PDE1A: variants seen among roughly 807,000 people sequenced by gnomAD.
PDE1A encodes phosphodiesterase 1A, also known as dual specificity calcium/calmodulin-dependent 3',5'-cyclic nucleotide phosphodiesterase 1A.
A neutral mutation model predicts 61.7 loss-of-function variants in PDE1A; 35 were observed. The observed-to-expected ratio is 0.57, with a 90% CI of 0.43 to 0.75. The LOEUF (loss-of-function observed/expected upper bound fraction) is 0.75. Among genes scored for constraint, PDE1A ranks in the 30% least tolerant of loss-of-function variants. PDE1A has a pLI of 0.00. For synonymous variants in PDE1A, 232 were observed against 213.2 expected (o/e 1.09, Z -0.77); for missense variants, 597 against 630.6 (o/e 0.95, Z 0.57).
chr2:182,233,577 A>G (rs1260999552), intron 4 of PDE1A, among the ~76,000 whole-genome samples: 1 of 152,246 alleles, frequency 6.6e-6, no homozygotes, highest in Admixed American at 6.5e-5. Flanking sequence ...AAAAAGGAGT[A>G]CAATAAGTCA....
At chr2:182,315,148 TTAA>T (rs1696254182) in intron 1 of PDE1A, among the ~76,000 whole-genome samples, 1 of 152,184 alleles carries the variant, frequency 6.6e-6, no homozygotes, top group Non-Finnish European at 1.5e-5. Flanking sequence ...TGTAAAACTA[TTAA>T]TATGCCTTCA....
chr2:182,310,678 AT>A (rs1695905866), intron 1 of PDE1A, among the ~76,000 whole-genome samples: 1 of 152,060 alleles, frequency 6.6e-6, no homozygotes, highest in Non-Finnish European at 1.5e-5. Flanking sequence ...TCTCTTACAA[AT>A]TTTACCAGCT....
At chr2:182,683,828 T>G in the PDE1A span, among the ~76,000 whole-genome samples, 1 of 151,962 alleles carries the variant, frequency 6.6e-6, no homozygotes, top group Admixed American at 6.6e-5. Flanking sequence ...CTGATAGAAA[T>G]GCAAAATGGG....
chr2:182,714,062 C>A, the PDE1A span, among the ~76,000 whole-genome samples: 1 of 152,198 alleles, frequency 6.6e-6, no homozygotes, highest in South Asian at 2.1e-4. Context: ...TTGCCCATCT[C>A]TGATCATCTC....
At chr2:182,238,746 C>G (rs1355080679) in intron 3 of PDE1A, among the ~76,000 whole-genome samples, 1 of 152,100 alleles carries the variant, frequency 6.6e-6, no homozygotes, top group Non-Finnish European at 1.5e-5. Context: ...ACCTGAAGAA[C>G]AATTTTATAC....
At chr2:182,524,061 G>A (rs1239177646), upstream of PDE1A, among the ~76,000 whole-genome samples, 1 of 152,054 alleles carries the variant, frequency 6.6e-6, no homozygotes, top group African/African-American at 2.4e-5. Flanking sequence ...ACAGCTTTGT[G>A]AAATTAAAAC....
chr2:182,503,248 C>A (rs1187896118), intron 2 of PDE1A, among the ~76,000 whole-genome samples: 1 of 152,164 alleles, frequency 6.6e-6, no homozygotes, highest in Non-Finnish European at 1.5e-5. Context: ...GGACAAAGGT[C>A]AGAGCCTTGT....
the PDE1A span, among the ~76,000 whole-genome samples, chr2:182,533,720 G>A: frequency 6.6e-6 from 1 of 152,072 alleles, no homozygotes; most frequent in Non-Finnish European, 1.5e-5. Flanking sequence ...TAAAAATTAG[G>A]AGGAGAGGAC....
downstream of PDE1A, among the ~76,000 whole-genome samples, chr2:182,164,116 T>C (rs368868784): frequency 1.7e-4 from 26 of 152,256 alleles, no homozygotes; most frequent in African/African-American, 6.0e-4. Context: ...ATTTGGCCCA[T>C]TAAGCCATAA....
chr2:182,516,745 AAGAG>A (rs1206775723), intron 2 of PDE1A, among the ~76,000 whole-genome samples: 1 of 73,826 alleles, frequency 1.4e-5, no homozygotes, highest in Non-Finnish European at 3.2e-5. Flanking sequence ...AGGAAGGAAA[AAGAG>A]AGAAAGAAAG....
At chr2:182,393,037 C>T (rs1366212962) in intron 1 of PDE1A, among the ~76,000 whole-genome samples, 1 of 152,240 alleles carries the variant, frequency 6.6e-6, no homozygotes, top group African/African-American at 2.4e-5. Context: ...CTAGGCAGTG[C>T]CCCAGTAGGA....
At chr2:182,649,607 CAAAAAAAAAA>C in the PDE1A span, among the ~76,000 whole-genome samples, 1 of 113,086 alleles carries the variant, frequency 8.8e-6, no homozygotes, top group Non-Finnish European at 1.9e-5. Flanking sequence ...CCACTCTATA[CAAAAAAAAAA>C]AAAAAAAAAT....
intron 8 of PDE1A, among the ~76,000 whole-genome samples, chr2:182,205,505 G>A (rs763091575): frequency 4.3e-4 from 65 of 151,482 alleles, no homozygotes; most frequent in African/African-American, 3.9e-4. Flanking sequence ...TAGTATATTG[G>A]AATTTTTTTC....
chr2:182,240,402 T>G (rs898183285), intron 2 of PDE1A, 110 bp from the exon 3 acceptor site: 27 of 618,762 alleles, frequency 4.4e-5, no homozygotes, highest in Non-Finnish European at 6.6e-5. Context: ...CACTCTCTGA[T>G]TATTCCTTAA....
At chr2:182,464,946 T>C (rs1242571453) in intron 2 of PDE1A, among the ~76,000 whole-genome samples, 2 of 152,158 alleles carry the variant, frequency 1.3e-5, no homozygotes, top group Non-Finnish European at 2.9e-5. Context: ...ATCAATGTTT[T>C]TGAATGAATA....
At chr2:182,575,659 G>A in the PDE1A span, among the ~76,000 whole-genome samples, 9 of 149,376 alleles carry the variant, frequency 6.0e-5, no homozygotes, top group Non-Finnish European at 8.9e-5. Context: ...AGAGGTCTTA[G>A]TTCCAGGGGA....
At chr2:182,579,857 G>A in the PDE1A span, among the ~76,000 whole-genome samples, 96 of 152,116 alleles carry the variant, frequency 6.3e-4, 2 homozygotes, top group East Asian at 0.017. Context: ...ACAAATGGAG[G>A]GCATTAATTC....
chr2:182,387,117 C>T (rs1701155362), intron 1 of PDE1A, among the ~76,000 whole-genome samples: 1 of 152,164 alleles, frequency 6.6e-6, no homozygotes, highest in South Asian at 2.1e-4. Flanking sequence ...TATGACCTTA[C>T]CCCCAACCCT....
intron 7 of PDE1A, among the ~76,000 whole-genome samples, chr2:182,218,483 T>G (rs549329649): frequency 9.9e-5 from 15 of 152,250 alleles, no homozygotes; most frequent in African/African-American, 3.4e-4. Flanking sequence ...AGTTGACACA[T>G]TGTACAATAG....
Sources: allele counts gnomAD v4.1 joint callset (sites outside exome capture counted in the v4.1 genomes callset), GRCh38; gene constraint gnomAD v4.1.1; transcripts MANE v1.5; gene names NCBI Gene and HGNC (gene_info 2026-07-23, HGNC 2026-07-21).